Variants in TAFA1 observed in about 807,000 individuals in gnomAD.
The protein encoded by TAFA1 is chemokine-like protein TAFA-1.
In TAFA1, 4 loss-of-function variants were observed where a neutral mutation model predicts 18.5. That is an observed-to-expected ratio of 0.22 (90% CI 0.11 to 0.49). TAFA1 has a LOEUF of 0.49. TAFA1 is among the 20% of genes least tolerant of loss of function. The probability of loss-of-function intolerance (pLI) is 0.98; values close to 1 mark genes in which losing one functional copy is unlikely to be tolerated. For missense variants in TAFA1, 147 were observed against 169.0 expected (o/e 0.87, Z 0.72); for synonymous variants, 56 against 55.2 (o/e 1.01, Z -0.06).
chr3:68,418,547 T>C (rs1266583704), intron 3 of TAFA1, among the ~76,000 whole-genome samples: 3 of 151,846 alleles, frequency 2.0e-5, no homozygotes, highest in Non-Finnish European at 4.4e-5. Flanking sequence ...CATATTCACT[T>C]CTTTTGTGAT....
At chr3:67,999,241 GCT>G in the TAFA1 span, among the ~76,000 whole-genome samples, 9 of 114,522 alleles carry the variant, frequency 7.9e-5, no homozygotes, top group Non-Finnish European at 1.1e-4. Context: ...CTTGAATAGT[GCT>G]CTCTCTCTCT....
At position 68,481,021 on chromosome 3, in the gene TAFA1, A is replaced by G. The variant is rs528279024; in HGVS notation, c.260-57735A>G. On this transcript the variant is annotated intron_variant, in intron 3 of 4. Coordinates refer to ENST00000478136, the MANE Select transcript of TAFA1 (RefSeq NM_213609.4). ...GACTTGCTCCTCCTTGCCTTCCACC[A>G]TGATTGTGAGGCCTTCCCAGCCATG... Among the ~76,000 whole-genome samples the G allele has an allele frequency of 4.4e-3, 667 of 152,242 alleles. 4 individuals are homozygous for G. Among genetic ancestry groups the G allele is most frequent in the Non-Finnish European group, 5.9e-3 (401 of 68,016 alleles).
intron 2 of TAFA1, among the ~76,000 whole-genome samples, chr3:68,096,108 C>G (rs969755819): frequency 1.3e-5 from 2 of 152,086 alleles, no homozygotes; most frequent in Non-Finnish European, 2.9e-5. Context: ...TCATTCTACT[C>G]TCTATCATTC....
At chr3:68,174,990 T>C (rs1383498353) in intron 2 of TAFA1, among the ~76,000 whole-genome samples, 2 of 152,190 alleles carry the variant, frequency 1.3e-5, no homozygotes, top group Non-Finnish European at 2.9e-5. Flanking sequence ...GCTCCAGCCA[T>C]GGCTGAAAGG....
At position 68,020,089 on chromosome 3, in the gene TAFA1, A is replaced by G. The variant is rs981131321; in HGVS notation, c.118+13345A>G. 2.0e-5 allele frequency among the ~76,000 whole-genome samples: 3 copies of G among 151,814 alleles called. No homozygotes were observed. The South Asian group carries it at 6.2e-4, about 31-fold the overall frequency. The stretch of plus-strand genomic sequence containing the variant: ...TGGGCTAAGTGCCCTACATGGACTT[A>G]CTTGTTTTGTTTTGAGATGAAACAT... On this transcript the variant is annotated intron_variant, in intron 2 of 4. Coordinates refer to ENST00000478136, the MANE Select transcript of TAFA1 (RefSeq NM_213609.4).
chr3:68,474,616 G>C (rs2202975), intron 3 of TAFA1, among the ~76,000 whole-genome samples: 1 of 152,214 alleles, frequency 6.6e-6, no homozygotes, highest in Admixed American at 6.5e-5. Context: ...CCAAGTTTAC[G>C]TGAGAGTATA....
intron 3 of TAFA1, among the ~76,000 whole-genome samples, chr3:68,524,749 C>A (rs1355710645): frequency 6.6e-6 from 1 of 152,012 alleles, no homozygotes; most frequent in South Asian, 2.1e-4. Context: ...CGGCTCACTG[C>A]AAGCTCTGCC....
intron 2 of TAFA1, among the ~76,000 whole-genome samples, chr3:68,315,261 C>A (rs749875116): frequency 1.3e-5 from 2 of 152,124 alleles, no homozygotes; most frequent in South Asian, 4.1e-4. Flanking sequence ...ATCAATTCCA[C>A]AGAAAACTTG....
intron 2 of TAFA1, among the ~76,000 whole-genome samples, chr3:68,161,500 T>C (rs887622604): frequency 1.3e-5 from 2 of 152,216 alleles, no homozygotes; most frequent in Non-Finnish European, 2.9e-5. Context: ...CCCAGCAATG[T>C]AGGAGCTGTG....
At chr3:68,301,450 T>G (rs2068301835) in intron 2 of TAFA1, among the ~76,000 whole-genome samples, 1 of 152,136 alleles carries the variant, frequency 6.6e-6, no homozygotes, top group African/African-American at 2.4e-5. Context: ...TTTTTTAAAC[T>G]TAGAAACTCA....
At chr3:68,078,936 G>A (rs13273219) in intron 2 of TAFA1, among the ~76,000 whole-genome samples, 1 of 152,146 alleles carries the variant, frequency 6.6e-6, no homozygotes, top group Admixed American at 6.5e-5. Flanking sequence ...GAATCCATCT[G>A]GTCCTGTACT....
At chr3:68,193,832 A>G (rs2066378091) in intron 2 of TAFA1, among the ~76,000 whole-genome samples, 1 of 151,736 alleles carries the variant, frequency 6.6e-6, no homozygotes, top group African/African-American at 2.4e-5. Context: ...ATACTGTGTA[A>G]CAAACAACCC....
chr3:68,129,400 A>G (rs2106878232), intron 2 of TAFA1, among the ~76,000 whole-genome samples: 1 of 152,342 alleles, frequency 6.6e-6, no homozygotes, highest in Non-Finnish European at 1.5e-5. Flanking sequence ...CTGTTGGATG[A>G]ACTACTGCAA....
In TAFA1 at chr3:68,190,696, G is replaced by A. The variant is rs200304018; in HGVS notation, c.118+183952G>A. 9.2e-5 allele frequency among the ~76,000 whole-genome samples: 14 copies of A among 151,834 alleles called. No homozygotes were observed. In the East Asian group the frequency reaches 2.7e-3, roughly 30 times the overall value. ...TTAGTTTCTTATGGCGGTAAATAAA[G>A]GTATGTGTTTTGGGAGGAGTTTGTG... On this transcript the variant is annotated intron_variant, in intron 2 of 4. Coordinates refer to ENST00000478136, the MANE Select transcript of TAFA1 (RefSeq NM_213609.4).
chr3:68,217,092 G>A (rs2066669543), intron 2 of TAFA1, among the ~76,000 whole-genome samples: 1 of 151,948 alleles, frequency 6.6e-6, no homozygotes, highest in African/African-American at 2.4e-5. Flanking sequence ...TGAGTGAGGG[G>A]AAGAATAACT....
intron 2 of TAFA1, among the ~76,000 whole-genome samples, chr3:68,104,339 A>C (rs2065181459): frequency 6.6e-6 from 1 of 152,092 alleles, no homozygotes; most frequent in Non-Finnish European, 1.5e-5. Context: ...TGTATGATAA[A>C]ATATATAAAT....
At chr3:68,055,695 C>A (rs751083394) in intron 2 of TAFA1, among the ~76,000 whole-genome samples, 14 of 151,974 alleles carry the variant, frequency 9.2e-5, no homozygotes, top group Non-Finnish European at 1.9e-4. Context: ...CTTCTGAAGT[C>A]TCAGAGGGTT....
rs140368906 is a variant in TAFA1, at chr3:68,540,605, C to T, written c.384+1725C>T. 3.3e-3 allele frequency among the ~76,000 whole-genome samples: 503 copies of T among 152,226 alleles called. 2 individuals carry two copies. The highest frequency in any genetic ancestry group is 5.9e-3 in the Non-Finnish European group (403 of 68,024). On this transcript the variant is annotated intron_variant, in intron 4 of 4. Transcript: ENST00000478136. ...AACACATTGCTGATATATTTCCTGC[C>T]AAATCTCTTTTCTCTATTCTAAAGA...
intron 2 of TAFA1, among the ~76,000 whole-genome samples, chr3:68,020,818 A>G (rs1016420790): frequency 6.6e-6 from 1 of 152,142 alleles, no homozygotes; most frequent in Admixed American, 6.6e-5. Flanking sequence ...AAACAGGTCA[A>G]TGCTTATTGT....
Sources: gnomAD v4.1 joint callset for allele counts (sites outside exome capture counted in the v4.1 genomes callset) on GRCh38, gnomAD v4.1.1 for gene constraint, MANE v1.5 for transcripts, NCBI Gene and HGNC (gene_info 2026-07-23, HGNC 2026-07-21) for gene names.